Variants in LYPD3 observed in about 807,000 individuals in gnomAD.
LYPD3 encodes LY6/PLAUR domain containing 3.
A neutral mutation model predicts 21.7 loss-of-function variants in LYPD3; 22 were observed. The observed-to-expected ratio is 1.01, with a 90% confidence interval of 0.72 to 1.45. The LOEUF is 1.45. LYPD3 is among the 40% of genes most tolerant of loss of function. The pLI, the probability that LYPD3 is intolerant of heterozygous loss-of-function variation, is 0.00. For synonymous variants in LYPD3, 179 were observed against 203.0 expected, an observed-to-expected ratio of 0.88 and a Z score of 1.00; for missense variants, 471 against 466.9, an observed-to-expected ratio of 1.01 and a Z score of -0.08.
Position 43,461,168 on chromosome 19 carries a change from T to C in LYPD3, c.*183A>G. On this transcript the variant is annotated 3_prime_UTR_variant, in exon 5 of 5. Coordinates refer to ENST00000244333, the MANE Select transcript of LYPD3 (RefSeq NM_014400.3). ...AAGCTAGAACACCCCTGGCAGAATATATACAACGGTATTTTATTTCCCAAA... is the reference window on the plus strand; with the variant it reads ...AAGCTAGAACACCCCTGGCAGAATACATACAACGGTATTTTATTTCCCAAA... 1 of 686,508 alleles carries C rather than the reference T, an allele frequency of 1.5e-6. No individual in the cohort carries two copies. Among genetic ancestry groups the C allele is most frequent in the Non-Finnish European group, 2.4e-6 (1 of 415,846 alleles). 42.5% of individuals were successfully genotyped at this position (686,508 alleles called of 1,614,324 possible). A position where few individuals can be genotyped will look rare whatever the true frequency, so the allele number is the denominator to read the frequency against.
Position 43,461,637 on chromosome 19 carries a change from G to A in LYPD3, c.755C>T (p.Thr252Ile). Residue 252 changes from threonine to isoleucine, a missense_variant, in exon 5 of 5, where the codon ACC (threonine) becomes ATC (isoleucine). Physicochemically the swap from Thr to Ile is moderately conservative, Grantham distance 89. Transcript: ENST00000244333. ...CGAGGTAGAAGTGGTGACAGATGTG[G>A]TTGAGGCCACAGTCGTGGGCTCTGG... Reference protein sequence around the residue: ...PPPEPTTVASTTSVTTSTSAP... With the variant: ...PPPEPTTVASITSVTTSTSAP... 6.2e-7 allele frequency: 1 copy of A among 1,614,154 alleles called. No homozygotes were observed. Among genetic ancestry groups the A allele is most frequent in the South Asian group, 1.1e-5 (1 of 91,082 alleles).
intron 2 of LYPD3, 124 bp downstream of exon 2, chr19:43,464,201 G>C (rs911149684): frequency 1.5e-6 from 2 of 1,312,622 alleles, no homozygotes; most frequent in African/African-American, 2.9e-5. Context: ...GTCCCGGCCA[G>C]GCTGAAAGGG....
At chr19:43,464,488 C>T (rs764812022) in intron 1 of LYPD3, 32 bp from the exon 2 acceptor site, 31 of 1,613,234 alleles carry the variant, frequency 1.9e-5, no homozygotes, top group Non-Finnish European at 2.5e-5. Flanking sequence ...GACCTGAGCC[C>T]TCCTTGCTAA....
Position 43,461,707 on chromosome 19 carries a change from T to C in LYPD3, c.685A>G (p.Thr229Ala). ...GGTGGGATTCGAGGGGAGAAGTAGG[T>C]CTTGTTGCGGAGGTCAGAGTTACAG... The part of the protein sequence containing the change: ...SRCNSDLRNK[T>A]YFSPRIPPLV... Residue 229 changes from threonine (T) to alanine (A), a missense_variant, in exon 5 of 5, where the codon ACC (threonine) becomes GCC (alanine). Physicochemically the swap from Thr to Ala is moderately conservative, Grantham distance 58. Coordinates refer to ENST00000244333, the MANE Select transcript of LYPD3 (RefSeq NM_014400.3). 1 of 1,614,050 alleles carries C rather than the reference T, an allele frequency of 6.2e-7. No homozygotes were observed. The highest frequency in any genetic ancestry group is 8.5e-7 in the Non-Finnish European group (1 of 1,180,010).
chr19:43,463,950 A>G, intron 2 of LYPD3, 181 bp from the exon 3 acceptor site: 1 of 680,026 alleles, frequency 1.5e-6, no homozygotes, highest in Non-Finnish European at 2.5e-6. Flanking sequence ...GAACGACCGA[A>G]GCAGGGAGGA....
rs139358395 is a variant in LYPD3, at chr19:43,461,791, G to A, written c.601C>T (p.Arg201Trp). The A allele has an allele frequency of 5.3e-4, 853 of 1,614,120 alleles. No homozygotes were observed. The highest frequency in any genetic ancestry group is 5.2e-4 in the Non-Finnish European group (608 of 1,179,996). ...RGCVQDEFCT[R>W]DGVTGPGFTL... ...AACCCTGGGCCTGTTACTCCATCCC[G>A]AGTGCAGAATTCATCCTGGACACAG... The change falls in exon 5 of 5, where the codon CGG becomes TGG. Residue 201 changes from arginine to tryptophan, a missense_variant. Coordinates refer to ENST00000244333, the MANE Select transcript of LYPD3 (RefSeq NM_014400.3).
chr19:43,461,491 C>A lies in LYPD3; in HGVS notation c.901G>T (p.Ala301Ser). The A allele has an allele frequency of 1.2e-6, 2 of 1,614,158 alleles. No homozygotes were observed. Among genetic ancestry groups the A allele is most frequent in the African/African-American group, 1.3e-5 (1 of 75,032 alleles). Reference protein sequence around the residue: ...DEEPRLTGGAAGHQDRSNSGQ... With the variant: ...DEEPRLTGGASGHQDRSNSGQ... ...GAATTGCTGCGGTCCTGGTGGCCAG[C>A]GGCGCCTCCAGTCAACCTGGGCTCC... The change falls in exon 5 of 5, where the codon GCT (alanine) becomes TCT (serine). Residue 301 changes from alanine to serine, a missense_variant. Coordinates refer to ENST00000244333, the MANE Select transcript of LYPD3 (RefSeq NM_014400.3).
At chr19:43,463,496 C>A in intron 3 of LYPD3, 103 bp downstream of exon 3, 2 of 1,468,144 alleles carry the variant, frequency 1.4e-6, no homozygotes, top group Non-Finnish European at 1.8e-6. Context: ...GACCCCACCC[C>A]CAGCCCAGGT....
At chr19:43,461,921 G>C in intron 4 of LYPD3, 74 bp from the exon 5 acceptor site, 1 of 1,511,292 alleles carries the variant, frequency 6.6e-7, no homozygotes, top group South Asian at 1.2e-5. Context: ...AAACTTAGAG[G>C]CATCAGACAA....
Position 43,460,977 on chromosome 19 carries a change from C to T in LYPD3, c.*374G>A. On this transcript the variant is annotated 3_prime_UTR_variant, in exon 5 of 5. Transcript: ENST00000244333. ...TAGAGTGGGGAGCCATTGTCCCACC[C>T]ACCCCACGCTCCAAAGTCCAGGCTG... The T allele has an allele frequency of 4.7e-6, 1 of 211,108 alleles. No homozygotes were observed. The highest frequency in any genetic ancestry group is 9.6e-6 in the Non-Finnish European group (1 of 103,676). The allele number at this position is 211,108 out of a possible 1,614,324, so 13.1% of individuals were successfully genotyped here.
chr19:43,461,260 C>T lies in LYPD3; in HGVS notation c.*91G>A, dbSNP rs570482451. 4.9e-6 allele frequency: 7 copies of T among 1,414,486 alleles called. No homozygotes were observed. The highest frequency in any genetic ancestry group is 6.6e-6 in the Non-Finnish European group (7 of 1,063,948). 87.6% of individuals were successfully genotyped at this position (1,414,486 alleles called of 1,614,324 possible). A position where few individuals can be genotyped will look rare whatever the true frequency, so the allele number is the denominator to read the frequency against. On this transcript the variant is annotated 3_prime_UTR_variant, in exon 5 of 5. Transcript: ENST00000244333. ...GTTGGAAAAACAGGGGCTGGGCCAG[C>T]CCAGTCCAGTGGTGGGAACAGGAAG...
In LYPD3 at chr19:43,463,106, G is replaced by C; in HGVS notation, c.544+20C>G. On this transcript the variant is annotated intron_variant, in intron 4 of 4. Coordinates refer to ENST00000244333, the MANE Select transcript of LYPD3 (RefSeq NM_014400.3). ...GGCTACCACAACTCCCGTAGGTCCC[G>C]TGCTCCGGGGCTCCCTCACCTGCCG... 1 of 1,610,166 alleles carries C rather than the reference G, an allele frequency of 6.2e-7. No homozygotes were observed.
In LYPD3 at chr19:43,463,307, GAAGAA is replaced by G. The variant is rs763544482; in HGVS notation, c.383-25_383-21del. 1 of 1,599,498 alleles carries G rather than the reference GAAGAA, an allele frequency of 6.3e-7. No individual in the cohort carries two copies. Among genetic ancestry groups the G allele is most frequent in the Non-Finnish European group, 8.5e-7 (1 of 1,179,506 alleles). On this transcript the variant is annotated intron_variant, in intron 3 of 4. Transcript: ENST00000244333. ...CATTACCTGCGAGGGGAGCCGAGAGGAAGAAAAGGTGTCGAAAGGGTTCGGGAACC... is the reference window on the plus strand; with the variant it reads ...CATTACCTGCGAGGGGAGCCGAGAGGAAGGTGTCGAAAGGGTTCGGGAACC...
intron 2 of LYPD3, chr19:43,464,110 C>G (rs116044000): frequency 7.0e-6 from 5 of 714,940 alleles, no homozygotes. Flanking sequence ...CCCCGTCCGC[C>G]CCACCCAGTT....
intron 1 of LYPD3, 77 bp from the exon 2 acceptor site, chr19:43,464,533 T>A: frequency 6.3e-7 from 1 of 1,577,934 alleles, no homozygotes. Flanking sequence ...GTCCTTCCCA[T>A]GCCCTCTGTC....
chr19:43,464,526 C>T lies in LYPD3; in HGVS notation c.80-70G>A. The T allele has an allele frequency of 5.7e-6, 9 of 1,592,292 alleles. No homozygotes were observed. In the South Asian group the frequency reaches 6.6e-5, roughly 12 times the overall value. On this transcript the variant is annotated intron_variant, in intron 1 of 4. Transcript: ENST00000244333. ...CGTCCACCCCCAAGGAGAAATAGTC[C>T]TTCCCATGCCCTCTGTCCCGGGATT...
intron 2 of LYPD3, 104 bp downstream of exon 2, chr19:43,464,221 G>A: frequency 7.0e-7 from 1 of 1,434,242 alleles, no homozygotes; most frequent in Non-Finnish European, 9.3e-7. Flanking sequence ...GAGGGGTGGG[G>A]CCGCGTTAAA....
chr19:43,462,733 G>T (rs1970785594), intron 4 of LYPD3, among the ~76,000 whole-genome samples: 1 of 152,172 alleles, frequency 6.6e-6, no homozygotes. Context: ...GGGATTTGAA[G>T]AACTTCATTT....
intron 3 of LYPD3, 62 bp downstream of exon 3, chr19:43,463,537 C>G: frequency 6.3e-7 from 1 of 1,577,406 alleles, no homozygotes; most frequent in Non-Finnish European, 8.6e-7. Context: ...ACGGCTCCAC[C>G]TCTATCTTGG....
Sources: allele counts gnomAD v4.1 joint callset (sites outside exome capture counted in the v4.1 genomes callset), GRCh38; gene constraint gnomAD v4.1.1; transcripts MANE v1.5; gene names NCBI Gene and HGNC (gene_info 2026-07-23, HGNC 2026-07-21).